Variants in CTNNA2 observed in about 807,000 individuals in gnomAD.
The protein encoded by CTNNA2 is catenin alpha-2.
A neutral mutation model predicts 101.0 loss-of-function variants in CTNNA2; 42 were observed. The ratio of observed to expected loss-of-function variants is 0.42; its 90% CI spans 0.32 to 0.54. The LOEUF (loss-of-function observed/expected upper bound fraction) is 0.54, where lower values mean the gene tolerates loss of function less well. CTNNA2 is among the 20% of genes least tolerant of loss of function. The pLI, the probability that CTNNA2 is intolerant of heterozygous loss-of-function variation, is 0.14. For synonymous variants in CTNNA2, 450 were observed against 456.4 expected, an observed-to-expected ratio of 0.99 and a Z score of 0.18; for missense variants, 871 against 1,223.1, an observed-to-expected ratio of 0.71 and a Z score of 4.29.
chr2:79,542,999 GT>G (rs1318068948), intron 1 of CTNNA2, among the ~76,000 whole-genome samples: 2 of 152,002 alleles, frequency 1.3e-5, no homozygotes, highest in Non-Finnish European at 2.9e-5. Context: ...CAACTCATGT[GT>G]TTTTAAAATT....
intron 2 of CTNNA2, among the ~76,000 whole-genome samples, chr2:79,236,149 G>C (rs571008581): frequency 6.6e-6 from 1 of 152,186 alleles, no homozygotes; most frequent in Non-Finnish European, 1.5e-5. Context: ...GCCTGCTTAT[G>C]AGAAATGGGG....
At chr2:80,569,422 G>A (rs1694354691) in intron 12 of CTNNA2, among the ~76,000 whole-genome samples, 1 of 152,006 alleles carries the variant, frequency 6.6e-6, no homozygotes, top group Admixed American at 6.6e-5. Flanking sequence ...ATAAATAACT[G>A]TAAAGTGGTG....
intron 2 of CTNNA2, among the ~76,000 whole-genome samples, chr2:79,707,474 A>T (rs12993886): frequency 0.17 from 25,871 of 152,094 alleles, 2,744 homozygotes; most frequent in Middle Eastern, 0.24. Flanking sequence ...AACCCAACAG[A>T]TGTAGCTTTG....
intron 2 of CTNNA2, among the ~76,000 whole-genome samples, chr2:79,215,566 C>T (rs1205908899): frequency 1.3e-5 from 2 of 152,050 alleles, no homozygotes; most frequent in Non-Finnish European, 2.9e-5. Context: ...GAGAATAAGA[C>T]GACCTTTTGA....
chr2:80,591,457 G>GTTTTTTTGTTTTTTTTTTT (rs1696487430), intron 15 of CTNNA2, among the ~76,000 whole-genome samples: 1 of 70,314 alleles, frequency 1.4e-5, no homozygotes, highest in Admixed American at 1.8e-4. Flanking sequence ...TGCACAGCCT[G>GTTTTTTTGTTTTTTTTTTT]TTTTTTTTTT....
intron 18 of CTNNA2, among the ~76,000 whole-genome samples, chr2:80,636,851 TC>T (rs1251912591): frequency 3.9e-5 from 6 of 152,180 alleles, no homozygotes; most frequent in African/African-American, 1.4e-4. Context: ...ATTTTAGGTG[TC>T]ACATTTTTAC....
intron 7 of CTNNA2, among the ~76,000 whole-genome samples, chr2:79,975,431 G>A (rs531391749): frequency 6.6e-6 from 1 of 152,150 alleles, no homozygotes; most frequent in Non-Finnish European, 1.5e-5. Flanking sequence ...CAATTTTGCA[G>A]CAGATTCTTC....
At chr2:79,594,166 G>A (rs1451079296) in intron 1 of CTNNA2, among the ~76,000 whole-genome samples, 1 of 152,030 alleles carries the variant, frequency 6.6e-6, no homozygotes, top group East Asian at 1.9e-4. Flanking sequence ...GGGATTACAG[G>A]TGTGAGCCAC....
At chr2:79,862,980 G>A (rs2103979385) in intron 4 of CTNNA2, among the ~76,000 whole-genome samples, 1 of 152,222 alleles carries the variant, frequency 6.6e-6, no homozygotes. Flanking sequence ...ACAAAACCAG[G>A]TTTTTCTTTC....
chr2:79,664,614 A>G (rs1433016966), intron 2 of CTNNA2, among the ~76,000 whole-genome samples: 1 of 152,108 alleles, frequency 6.6e-6, no homozygotes, highest in Non-Finnish European at 1.5e-5. Context: ...CAATATTTGA[A>G]ACATACTTAT....
At chr2:79,956,843 G>GTTTTTTTTTTCTTTTTTTTT (rs1302247404) in intron 7 of CTNNA2, among the ~76,000 whole-genome samples, 3 of 98,908 alleles carry the variant, frequency 3.0e-5, no homozygotes, top group South Asian at 4.0e-4. Flanking sequence ...ATACGTGTGG[G>GTTTTTTTTTTCTTTTTTTTT]TTTTTTTTTT....
chr2:80,318,986 A>T (rs1199400301), intron 7 of CTNNA2, among the ~76,000 whole-genome samples: 2 of 152,156 alleles, frequency 1.3e-5, no homozygotes, highest in Non-Finnish European at 2.9e-5. Flanking sequence ...TTTTAAAAAG[A>T]TAATATGCTA....
intron 18 of CTNNA2, among the ~76,000 whole-genome samples, chr2:80,635,554 T>G (rs572645937): frequency 6.6e-6 from 1 of 152,288 alleles, no homozygotes; most frequent in Non-Finnish European, 1.5e-5. Context: ...TTCTGTGCTA[T>G]AGTTAAGAGC....
chr2:80,640,940 T>C (rs1038074722), intron 18 of CTNNA2, among the ~76,000 whole-genome samples: 1 of 152,224 alleles, frequency 6.6e-6, no homozygotes, highest in South Asian at 2.1e-4. Context: ...ACTCTAGGTC[T>C]GAACATGTTT....
At chr2:79,305,873 A>G (rs1181805854) in intron 2 of CTNNA2, among the ~76,000 whole-genome samples, 4 of 151,870 alleles carry the variant, frequency 2.6e-5, no homozygotes, top group Admixed American at 2.0e-4. Flanking sequence ...GTGAAACCCC[A>G]TATCTACTAA....
rs1676448292 is a variant in CTNNA2 at position 80,302,643 on chromosome 2, T to C, written c.1057-90568T>C. On this transcript the variant is annotated intron_variant, in intron 7 of 18. Coordinates refer to ENST00000402739, the MANE Select transcript of CTNNA2 (RefSeq NM_001282597.3). This position sits in a 1 kb window ranked among gnomAD's most constrained non-coding sequence, Gnocchi z 6.4. ...TGCCCCTCCCCGCCGTCCGCGAGCG[T>C]GGTGGCCGAGCTGGCAGGGGGCCCC... 1 of 1,608,026 alleles carries C rather than the reference T, an allele frequency of 6.2e-7. No individual in the cohort carries two copies. The highest frequency in any genetic ancestry group is 2.2e-5 in the East Asian group (1 of 44,784).
At chr2:79,619,817 C>G (rs1448916178) in intron 1 of CTNNA2, among the ~76,000 whole-genome samples, 1 of 152,132 alleles carries the variant, frequency 6.6e-6, no homozygotes, top group East Asian at 1.9e-4. Context: ...ACACTTAAAT[C>G]CAGACATTCA....
At chr2:80,323,251 G>A (rs1003481524) in intron 7 of CTNNA2, among the ~76,000 whole-genome samples, 2 of 152,214 alleles carry the variant, frequency 1.3e-5, no homozygotes, top group Non-Finnish European at 2.9e-5. Context: ...AGAACTCCAA[G>A]CTTCTGATGT....
chr2:79,468,830 G>A (rs146602255), intron 4 of CTNNA2, among the ~76,000 whole-genome samples: 67,290 of 151,938 alleles, frequency 0.44, 16,204 homozygotes, highest in East Asian at 0.66. Context: ...TTTGAAACCA[G>A]TGAGAACAAA....
Sources: gnomAD v4.1 joint callset for allele counts (sites outside exome capture counted in the v4.1 genomes callset) on GRCh38, gnomAD v4.1.1 for gene constraint, Gnocchi (gnomAD v3.1) non-coding constraint, MANE v1.5 for transcripts, NCBI Gene and HGNC (gene_info 2026-07-23, HGNC 2026-07-21) for gene names.